RUNDC3B: variants seen among roughly 807,000 people sequenced by gnomAD.
The protein encoded by RUNDC3B is RUN domain-containing protein 3B.
RUNDC3B carries 33 observed loss-of-function variants against 58.4 expected under a neutral mutation model. The ratio of observed to expected loss-of-function variants is 0.56; its 90% confidence interval spans 0.43 to 0.75. The LOEUF is 0.75. Among genes scored for constraint, RUNDC3B ranks in the 30% least tolerant of loss-of-function variants. RUNDC3B has a pLI of 0.00. For missense variants in RUNDC3B, 501 were observed against 535.7 expected, an observed-to-expected ratio of 0.94 and a Z score of 0.64; for synonymous variants, 193 against 195.2, an observed-to-expected ratio of 0.99 and a Z score of 0.10.
intron 4 of RUNDC3B, among the ~76,000 whole-genome samples, chr7:87,714,385 G>A (rs186694792): frequency 6.6e-6 from 1 of 152,138 alleles, no homozygotes; most frequent in Admixed American, 6.5e-5. Flanking sequence ...AGGGTCATTT[G>A]ATTATGAGGT....
chr7:87,645,046 A>T (rs1042879682), intron 1 of RUNDC3B, among the ~76,000 whole-genome samples: 1 of 150,852 alleles, frequency 6.6e-6, no homozygotes, highest in Non-Finnish European at 1.5e-5. Context: ...TGCTTTCTTA[A>T]GTTTTAAGGT....
At chr7:87,689,526 A>G (rs1397481619) in intron 2 of RUNDC3B, among the ~76,000 whole-genome samples, 2 of 151,280 alleles carry the variant, frequency 1.3e-5, no homozygotes. Flanking sequence ...ATATTACTTT[A>G]GCTAATATTG....
intron 1 of RUNDC3B, among the ~76,000 whole-genome samples, chr7:87,638,151 G>A (rs1275565868): frequency 1.3e-5 from 2 of 151,580 alleles, no homozygotes; most frequent in Non-Finnish European, 2.9e-5. Context: ...AAACCACTCT[G>A]GAATAAAAAA....
chr7:87,690,014 G>A (rs2130640101), intron 2 of RUNDC3B, among the ~76,000 whole-genome samples: 1 of 151,662 alleles, frequency 6.6e-6, no homozygotes, highest in African/African-American at 2.4e-5. Context: ...ATTTTTTATA[G>A]AGACAGAGTC....
intron 4 of RUNDC3B, among the ~76,000 whole-genome samples, chr7:87,730,018 C>G (rs571723811): frequency 6.6e-6 from 1 of 152,092 alleles, no homozygotes; most frequent in Non-Finnish European, 1.5e-5. Context: ...AGATCCAGTC[C>G]CAGCAAGATT....
At position 87,736,800 on chromosome 7, in the gene RUNDC3B, TTATATA is replaced by T. The variant is rs1279093404; in HGVS notation, c.459-2987_459-2982del. 4.2e-5 allele frequency among the ~76,000 whole-genome samples: 6 copies of T among 143,164 alleles called. No individual in the cohort carries two copies. In the East Asian group the frequency reaches 9.9e-4, roughly 24 times the overall value. 93.9% of individuals were successfully genotyped at this position (143,164 alleles called of 152,430 possible). On this transcript the variant is annotated intron_variant, in intron 4 of 10. Coordinates refer to ENST00000394654, the MANE Select transcript of RUNDC3B (RefSeq NM_001134405.2). ...TCATTTATACATATACATATATGTATTATATATATTTATATTTATATATGTTATATA... is the reference window on the plus strand; with the variant it reads ...TCATTTATACATATACATATATGTATTATTTATATTTATATATGTTATATA...
chr7:87,795,522 T>C (rs1340803283), intron 8 of RUNDC3B, among the ~76,000 whole-genome samples: 1 of 152,210 alleles, frequency 6.6e-6, no homozygotes, highest in South Asian at 2.1e-4. Context: ...CCTTGTACAC[T>C]GTTGGTGGGA....
intron 3 of RUNDC3B, among the ~76,000 whole-genome samples, chr7:87,708,065 G>T (rs1001429864): frequency 2.0e-5 from 3 of 151,944 alleles, no homozygotes; most frequent in African/African-American, 7.3e-5. Context: ...AAGAATAGAG[G>T]CTGGAAATTG....
chr7:87,751,393 G>A (rs1424298755), intron 6 of RUNDC3B, among the ~76,000 whole-genome samples: 1 of 152,132 alleles, frequency 6.6e-6, no homozygotes, highest in Non-Finnish European at 1.5e-5. Flanking sequence ...GAACTTTAAA[G>A]TAGTTTTTTC....
chr7:87,734,469 T>C (rs1831800173), intron 4 of RUNDC3B, among the ~76,000 whole-genome samples: 1 of 152,146 alleles, frequency 6.6e-6, no homozygotes, highest in South Asian at 2.1e-4. Flanking sequence ...ACTTTCTGTC[T>C]CCTCATCCTC....
At chr7:87,750,827 G>A (rs1832934406) in intron 6 of RUNDC3B, among the ~76,000 whole-genome samples, 1 of 150,886 alleles carries the variant, frequency 6.6e-6, no homozygotes, top group Non-Finnish European at 1.5e-5. Context: ...CATTTTGTAG[G>A]TTGCCTGTTC....
chr7:87,723,182 T>C (rs1171840564), intron 4 of RUNDC3B, among the ~76,000 whole-genome samples: 1 of 152,066 alleles, frequency 6.6e-6, no homozygotes, highest in Non-Finnish European at 1.5e-5. Context: ...AAAAGTGACC[T>C]GAATAGATAA....
In RUNDC3B at chr7:87,754,996, C is replaced by T. The variant is rs115723565; in HGVS notation, c.629+13417C>T. Among the ~76,000 whole-genome samples the T allele has an allele frequency of 6.8e-3, 992 of 145,858 alleles. 9 individuals carry two copies. The highest frequency in any genetic ancestry group is 0.048 in the East Asian group (242 of 5,002). On this transcript the variant is annotated intron_variant, in intron 6 of 10. Transcript: ENST00000394654. ...CTGATGGATTCACAGCCAAATTATA[C>T]CAGATATACAAGGAATAGCTGATAC...
rs540876771 is a variant in RUNDC3B at position 87,701,096 on chromosome 7, G to A, written c.372+542G>A. On this transcript the variant is annotated intron_variant, in intron 3 of 10. Transcript: ENST00000394654. ...TAATAAAATGGGAAGTATGCATAAA[G>A]CATTTCTGCAGCATACTGAAATATG... is the stretch of plus-strand genomic sequence containing the variant. Among the ~76,000 whole-genome samples, 6 of 152,280 alleles carry A rather than the reference G, an allele frequency of 3.9e-5. 1 individual carries two copies. Among genetic ancestry groups the A allele is most frequent in the South Asian group, 4.2e-4 (2 of 4,818 alleles).
chr7:87,677,808 A>G (rs1826532285), intron 2 of RUNDC3B, among the ~76,000 whole-genome samples: 1 of 152,208 alleles, frequency 6.6e-6, no homozygotes, highest in African/African-American at 2.4e-5. Flanking sequence ...GAGAAATATA[A>G]TTTATTACAT....
chr7:87,755,542 C>T (rs1833319466), intron 6 of RUNDC3B, among the ~76,000 whole-genome samples: 1 of 151,716 alleles, frequency 6.6e-6, no homozygotes, highest in African/African-American at 2.4e-5. Context: ...GCTAATCCAC[C>T]ATGATCAGTG....
At chr7:87,663,769 T>C (rs1175501038) in intron 2 of RUNDC3B, among the ~76,000 whole-genome samples, 1 of 152,150 alleles carries the variant, frequency 6.6e-6, no homozygotes, top group Non-Finnish European at 1.5e-5. Context: ...TTCTCAGTTC[T>C]GGAGGATGAG....
chr7:87,721,873 A>G (rs749524327), intron 4 of RUNDC3B, among the ~76,000 whole-genome samples: 4 of 150,244 alleles, frequency 2.7e-5, no homozygotes, highest in Non-Finnish European at 5.9e-5. Flanking sequence ...TGTGTATTTC[A>G]TGGGATATTA....
chr7:87,823,791 T>C (rs57037850), intron 10 of RUNDC3B, among the ~76,000 whole-genome samples: 8,122 of 143,772 alleles, frequency 0.056, 241 homozygotes, highest in Middle Eastern at 0.088. Context: ...TTCATATATA[T>C]ACACACACAC....
Sources: gnomAD v4.1 joint callset for allele counts (sites outside exome capture counted in the v4.1 genomes callset) on GRCh38, gnomAD v4.1.1 for gene constraint, MANE v1.5 for transcripts, NCBI Gene and HGNC (gene_info 2026-07-23, HGNC 2026-07-21) for gene names.